The following IMMP2L variants were observed in gnomAD, a reference collection of about 807,000 sequenced individuals.
The protein encoded by IMMP2L is mitochondrial inner membrane protease subunit 2.
In IMMP2L, 18 loss-of-function variants were observed where a neutral mutation model predicts 19.3. The observed-to-expected ratio is 0.93, with a 90% confidence interval of 0.64 to 1.38. IMMP2L has a LOEUF of 1.38. Ranked by LOEUF, IMMP2L falls within the 40% of genes most tolerant of loss-of-function variation. The pLI is 0.00. For synonymous variants in IMMP2L, 76 were observed against 73.0 expected (o/e 1.04, Z -0.21); for missense variants, 233 against 218.2 (o/e 1.07, Z -0.43).
At chr7:111,431,767 T>A (rs940458731) in intron 3 of IMMP2L, among the ~76,000 whole-genome samples, 1 of 151,792 alleles carries the variant, frequency 6.6e-6, no homozygotes, top group Non-Finnish European at 1.5e-5. Context: ...CATAGAAGTA[T>A]AATTTCTCTT....
intron 2 of IMMP2L, among the ~76,000 whole-genome samples, chr7:111,509,710 A>G (rs1845269309): frequency 6.6e-6 from 1 of 152,176 alleles, no homozygotes; most frequent in African/African-American, 2.4e-5. Context: ...ATGAGTCATG[A>G]GCAAAAAGGT....
At chr7:111,396,039 G>A (rs758921667) in intron 3 of IMMP2L, among the ~76,000 whole-genome samples, 1 of 152,108 alleles carries the variant, frequency 6.6e-6, no homozygotes, top group East Asian at 1.9e-4. Flanking sequence ...TGGTGGGAGT[G>A]TAAATTAGTT....
intron 4 of IMMP2L, among the ~76,000 whole-genome samples, chr7:110,888,017 A>T (rs1810407663): frequency 6.6e-6 from 1 of 152,162 alleles, no homozygotes; most frequent in African/African-American, 2.4e-5. Flanking sequence ...TTCATTATCT[A>T]GGATGGTTTT....
intron 3 of IMMP2L, among the ~76,000 whole-genome samples, chr7:111,026,142 A>G (rs1826789911): frequency 6.6e-6 from 1 of 152,160 alleles, no homozygotes. Flanking sequence ...GGTAAAACTA[A>G]GTCTATAACA....
intron 3 of IMMP2L, among the ~76,000 whole-genome samples, chr7:111,133,517 G>A (rs1178644652): frequency 6.6e-6 from 1 of 151,970 alleles, no homozygotes; most frequent in African/African-American, 2.4e-5. Context: ...GAAGGACAAA[G>A]CAGGAGCTGG....
At chr7:110,957,862 C>A (rs1818521514) in intron 4 of IMMP2L, among the ~76,000 whole-genome samples, 1 of 151,966 alleles carries the variant, frequency 6.6e-6, no homozygotes, top group East Asian at 1.9e-4. Context: ...TTTCTCTCTA[C>A]CCCCTTTTCT....
chr7:111,377,043 GTA>G (rs1253118536), intron 3 of IMMP2L, among the ~76,000 whole-genome samples: 1 of 151,800 alleles, frequency 6.6e-6, no homozygotes, highest in Non-Finnish European at 1.5e-5. Context: ...GAATCATATG[GTA>G]TATGAATTAA....
At chr7:110,706,948 G>C (rs906702888) in intron 5 of IMMP2L, among the ~76,000 whole-genome samples, 3 of 147,780 alleles carry the variant, frequency 2.0e-5, no homozygotes, top group Non-Finnish European at 4.5e-5. Flanking sequence ...ATGTTTCCTT[G>C]GCTTTCTTCT....
Position 110,753,353 on chromosome 7 carries a change from ACTTC to A in IMMP2L, c.409-89636_409-89633del, listed in dbSNP as rs751223230. Among the ~76,000 whole-genome samples the A allele has an allele frequency of 5.8e-4, 88 of 152,008 alleles. 1 individual carries two copies. The highest frequency in any genetic ancestry group is 1.9e-4 in the Non-Finnish European group (13 of 67,970). ...CACGGTGGCTTCCTTTGATCAGAAT[ACTTC>A]TTTTCATTTGCTAATTCATAGCCAA... On this transcript the variant is annotated intron_variant, in intron 5 of 5. Transcript: ENST00000405709.
intron 5 of IMMP2L, among the ~76,000 whole-genome samples, chr7:110,828,494 A>G (rs1803694226): frequency 6.6e-6 from 1 of 152,164 alleles, no homozygotes; most frequent in Non-Finnish European, 1.5e-5. Context: ...ATGATCAATA[A>G]TGGCCCTCCT....
At chr7:111,018,999 G>T (rs1373856432) in intron 3 of IMMP2L, among the ~76,000 whole-genome samples, 3 of 151,884 alleles carry the variant, frequency 2.0e-5, no homozygotes, top group Non-Finnish European at 4.4e-5. Context: ...GCTAGCTAGG[G>T]GTGTAGATAA....
rs1015735017 is a variant in IMMP2L, at chr7:111,186,942, T to TA, written c.240-223378dup. ...ACTTCCCCCTCGTCCTTGCTTTTTT[T>TA]AAAAAAAAAAAGTTTTAATACCTTT... On this transcript the variant is annotated intron_variant, in intron 3 of 5. Transcript: ENST00000405709. Among the ~76,000 whole-genome samples, 190 of 147,464 alleles carry TA rather than the reference T, an allele frequency of 1.3e-3. 1 individual carries two copies. The highest frequency in any genetic ancestry group is 3.5e-3 in the Middle Eastern group (1 of 288).
At chr7:111,512,225 C>A (rs1053543556) in intron 2 of IMMP2L, among the ~76,000 whole-genome samples, 3 of 152,024 alleles carry the variant, frequency 2.0e-5, no homozygotes, top group Non-Finnish European at 4.4e-5. Context: ...ATACATAGTA[C>A]AACATGGCTA....
intron 3 of IMMP2L, among the ~76,000 whole-genome samples, chr7:111,089,410 C>A (rs1796623019): frequency 6.6e-6 from 1 of 151,482 alleles, no homozygotes; most frequent in Admixed American, 6.6e-5. Context: ...AATAAAAATT[C>A]TCTTTTTACA....
intron 5 of IMMP2L, among the ~76,000 whole-genome samples, chr7:110,692,116 C>T (rs544582527): frequency 3.0e-4 from 45 of 152,148 alleles, no homozygotes; most frequent in South Asian, 2.1e-3. Flanking sequence ...CATACACACT[C>T]CCCCCACAAC....
Position 111,281,088 on chromosome 7 carries a change from GAGAGAGAAAGAGAGAA to G in IMMP2L, c.239+206134_239+206149del, listed in dbSNP as rs1324133662. 1.1e-3 allele frequency among the ~76,000 whole-genome samples: 40 copies of G among 35,788 alleles called. 1 individual carries two copies. Among genetic ancestry groups the G allele is most frequent in the South Asian group, 2.0e-3 (1 of 510 alleles). 23.5% of individuals were successfully genotyped at this position (35,788 alleles called of 152,430 possible). A position where few individuals can be genotyped will look rare whatever the true frequency, so the allele number is the denominator to read the frequency against. On this transcript the variant is annotated intron_variant, in intron 3 of 5. Transcript: ENST00000405709. The stretch of plus-strand genomic sequence containing the variant: ...CTGAGAAAAGAAAGAAAGAAGGAAA[GAGAGAGAAAGAGAGAA>G]AGAGAGAAAGAGAGAAAGAGAGAAA...
rs77921393 is a variant in IMMP2L, at chr7:111,529,004, T to C, written c.-2-7555A>G. The stretch of plus-strand genomic sequence containing the variant: ...ATGGAATTGTGCTAAGAGATAAATA[T>C]GTGTTATAGAACAAGGTCAGCATGG... On this transcript the variant is annotated intron_variant, in intron 1 of 5. Transcript: ENST00000405709. Among the ~76,000 whole-genome samples the C allele has an allele frequency of 2.2e-3, 329 of 152,278 alleles. 1 individual carries two copies. The highest frequency in any genetic ancestry group is 7.5e-3 in the African/African-American group (310 of 41,568).
intron 5 of IMMP2L, among the ~76,000 whole-genome samples, chr7:110,809,825 A>G (rs1320943745): frequency 6.6e-5 from 10 of 152,076 alleles, no homozygotes. Context: ...CTGAAGCCCT[A>G]CTATCCAATG....
intron 3 of IMMP2L, among the ~76,000 whole-genome samples, chr7:111,069,135 A>G (rs1275450954): frequency 1.3e-5 from 2 of 152,204 alleles, no homozygotes; most frequent in East Asian, 1.9e-4. Context: ...CCATCTTTAA[A>G]TTGAGGGTAC....
Sources: gnomAD v4.1 joint callset for allele counts (sites outside exome capture counted in the v4.1 genomes callset) on GRCh38, gnomAD v4.1.1 for gene constraint, MANE v1.5 for transcripts, NCBI Gene and HGNC (gene_info 2026-07-23, HGNC 2026-07-21) for gene names.